Variants in ZNF385D observed in about 807,000 individuals in gnomAD.
ZNF385D encodes the protein zinc finger protein 659.
Under a neutral mutation model 35.8 loss-of-function variants are expected in ZNF385D, and 15 were observed. That is an observed-to-expected ratio of 0.42 (90% CI 0.28 to 0.64). The LOEUF is 0.64. Ranked by LOEUF, ZNF385D falls within the 30% of genes least tolerant of loss-of-function variation. ZNF385D has a pLI of 0.23. For synonymous variants in ZNF385D, 212 were observed against 186.8 expected (o/e 1.13, Z -1.10); for missense variants, 474 against 494.6 (o/e 0.96, Z 0.39).
intron 3 of ZNF385D, among the ~76,000 whole-genome samples, chr3:22,142,047 T>C (rs1020697908): frequency 6.6e-5 from 10 of 152,206 alleles, no homozygotes; most frequent in African/African-American, 2.4e-4. Flanking sequence ...GACAGTTTAT[T>C]GTGAGTAACT....
chr3:22,000,903 G>GT lies in ZNF385D; in HGVS notation c.325+167913dup, dbSNP rs36111318. Among the ~76,000 whole-genome samples the GT allele has an allele frequency of 4.9e-3, 729 of 147,976 alleles. 5 individuals are homozygous for GT. The highest frequency in any genetic ancestry group is 0.021 in the Middle Eastern group (6 of 290). On this transcript the variant is annotated intron_variant, in intron 3 of 5. Transcript: ENST00000494108. ...AGTCCTACAAGAAATATTTAAGGGA[G>GT]TTTTTTTTTTTCTACATCAGGAAGT... is the stretch of plus-strand genomic sequence containing the variant.
chr3:21,961,534 GAACA>G (rs1468982471), intron 3 of ZNF385D: 1 of 151,998 alleles, frequency 6.6e-6, no homozygotes, highest in Admixed American at 6.6e-5. Flanking sequence ...AATTTCCTTA[GAACA>G]AACTATAGTG....
chr3:22,265,413 T>C (rs1465057586), intron 2 of ZNF385D, among the ~76,000 whole-genome samples: 1 of 152,036 alleles, frequency 6.6e-6, no homozygotes, highest in Non-Finnish European at 1.5e-5. Context: ...CAAATGAGGT[T>C]AAATGAACTC....
intron 3 of ZNF385D, among the ~76,000 whole-genome samples, chr3:21,821,854 T>C (rs1170050403): frequency 6.7e-6 from 1 of 150,342 alleles, no homozygotes; most frequent in East Asian, 2.0e-4. Context: ...CAGTCCCAGG[T>C]ACTCGGGAGG....
chr3:21,670,249 T>C (rs370079139), intron 1 of ZNF385D, among the ~76,000 whole-genome samples: 1 of 151,764 alleles, frequency 6.6e-6, no homozygotes. Flanking sequence ...TTGAAATATA[T>C]ATACTTATTT....
At chr3:21,442,187 G>C (rs950042958) in intron 4 of ZNF385D, among the ~76,000 whole-genome samples, 1 of 152,084 alleles carries the variant, frequency 6.6e-6, no homozygotes, top group Non-Finnish European at 1.5e-5. Context: ...TAGTAACATG[G>C]AGCAGCCAAG....
intron 3 of ZNF385D, among the ~76,000 whole-genome samples, chr3:21,513,640 A>G (rs766357431): frequency 4.3e-4 from 65 of 152,258 alleles, no homozygotes; most frequent in African/African-American, 1.4e-3. Flanking sequence ...GACGACATCA[A>G]TATCAATATG....
chr3:22,217,403 T>C (rs1416625205), intron 2 of ZNF385D, among the ~76,000 whole-genome samples: 1 of 152,138 alleles, frequency 6.6e-6, no homozygotes, highest in African/African-American at 2.4e-5. Context: ...TCCTTATCTG[T>C]TGGCCTCATC....
chr3:22,206,762 G>A (rs982328638), intron 2 of ZNF385D, among the ~76,000 whole-genome samples: 8 of 151,592 alleles, frequency 5.3e-5, no homozygotes, highest in African/African-American at 1.9e-4. Context: ...AAAACCTATG[G>A]GATACAGTAA....
chr3:21,939,046 T>A (rs1443497583), intron 3 of ZNF385D, among the ~76,000 whole-genome samples: 1 of 152,176 alleles, frequency 6.6e-6, no homozygotes, highest in Non-Finnish European at 1.5e-5. Context: ...TGGGGCAGGT[T>A]TCTCACTAAA....
chr3:21,971,638 G>C (rs1453180819), intron 3 of ZNF385D, among the ~76,000 whole-genome samples: 4 of 150,328 alleles, frequency 2.7e-5, no homozygotes, highest in Admixed American at 1.3e-4. Context: ...AATGTAAACA[G>C]ACTAAACTCT....
intron 4 of ZNF385D, among the ~76,000 whole-genome samples, chr3:21,504,022 T>G (rs530413538): frequency 6.6e-6 from 1 of 152,226 alleles, no homozygotes; most frequent in East Asian, 1.9e-4. Context: ...GAGTGAAAAG[T>G]GCAAATTTAA....
intron 2 of ZNF385D, among the ~76,000 whole-genome samples, chr3:22,241,660 CT>C (rs1300872643): frequency 6.6e-6 from 1 of 150,948 alleles, no homozygotes; most frequent in Non-Finnish European, 1.5e-5. Flanking sequence ...CATCCATTTT[CT>C]TTCTTTTTTT....
At chr3:22,032,910 G>A (rs1028076569) in intron 3 of ZNF385D, among the ~76,000 whole-genome samples, 2 of 152,102 alleles carry the variant, frequency 1.3e-5, no homozygotes, top group African/African-American at 4.8e-5. Context: ...GCACAGAGAG[G>A]TAAAGTAACT....
At chr3:21,516,751 AC>A (rs916596501) in intron 3 of ZNF385D, among the ~76,000 whole-genome samples, 21 of 151,992 alleles carry the variant, frequency 1.4e-4, no homozygotes, top group African/African-American at 5.1e-4. Context: ...ATCTTAGTAA[AC>A]TTTTGTTTGT....
At chr3:22,211,656 A>C (rs753327422) in intron 2 of ZNF385D, among the ~76,000 whole-genome samples, 51 of 151,978 alleles carry the variant, frequency 3.4e-4, no homozygotes, top group Non-Finnish European at 7.2e-4. Context: ...GGGCAGAAAG[A>C]AACAGAGAGA....
intron 2 of ZNF385D, among the ~76,000 whole-genome samples, chr3:22,264,209 A>C (rs1700780190): frequency 6.6e-6 from 1 of 152,032 alleles, no homozygotes; most frequent in African/African-American, 2.4e-5. Context: ...AGTATGTGAC[A>C]AAGTGAGGCT....
chr3:22,120,092 A>C (rs112351445), intron 3 of ZNF385D, among the ~76,000 whole-genome samples: 34 of 151,498 alleles, frequency 2.2e-4, no homozygotes, highest in African/African-American at 8.0e-4. Flanking sequence ...AACCTCCCAA[A>C]GTACTAGGAT....
Position 21,418,309 on chromosome 3 carries a change from T to C in ZNF385D, c.*2905A>G, listed in dbSNP as rs1700598775. 1 of 152,104 alleles carries C rather than the reference T, an allele frequency of 6.6e-6. No homozygotes were observed. The highest frequency in any genetic ancestry group is 2.4e-5 in the African/African-American group (1 of 41,432). 9.4% of individuals were successfully genotyped at this position (152,104 alleles called of 1,614,324 possible). ...GTGGATCTTTATTCATGAAAAAAGT[T>C]CCCTAAGGGAAAAGATACAGTTTTA... On this transcript the variant is annotated 3_prime_UTR_variant, in exon 8 of 8. Coordinates refer to ENST00000281523, the MANE Select transcript of ZNF385D (RefSeq NM_024697.3).
Sources: allele counts gnomAD v4.1 joint callset (sites outside exome capture counted in the v4.1 genomes callset), GRCh38; gene constraint gnomAD v4.1.1; transcripts MANE v1.5; gene names NCBI Gene and HGNC (gene_info 2026-07-23, HGNC 2026-07-21).